CNOT6L: variants seen among roughly 807,000 people sequenced by gnomAD.
The protein encoded by CNOT6L is CCR4-NOT transcription complex subunit 6-like.
Under a neutral mutation model 64.0 loss-of-function variants are expected in CNOT6L, and 7 were observed. The ratio of observed to expected loss-of-function variants is 0.11; its 90% CI spans 0.06 to 0.21. CNOT6L has a LOEUF of 0.21. CNOT6L is among the 10% of genes least tolerant of loss of function. CNOT6L has a pLI of 1.00. For synonymous variants in CNOT6L, 193 were observed against 243.4 expected, an observed-to-expected ratio of 0.79 and a Z score of 1.93; for missense variants, 245 against 669.0, an observed-to-expected ratio of 0.37 and a Z score of 6.99.
In CNOT6L at chr4:77,789,293, T is replaced by TC. The variant is rs931960310; in HGVS notation, c.6-12902dup. Among the ~76,000 whole-genome samples, 50 of 151,520 alleles carry TC rather than the reference T, an allele frequency of 3.3e-4. 1 individual carries two copies. Among genetic ancestry groups the TC allele is most frequent in the Non-Finnish European group, 4.9e-4 (33 of 67,902 alleles). On this transcript the variant is annotated intron_variant, in intron 1 of 11. Transcript: ENST00000504123. ...AAACTGACTATGCTGAGTACACAGCTCCCCCCACGCTCCCCCCAACCCCGC... is the reference window on the plus strand; with the variant it reads ...AAACTGACTATGCTGAGTACACAGCTCCCCCCCACGCTCCCCCCAACCCCGC...
chr4:77,742,772 T>C (rs1326876504), intron 7 of CNOT6L, among the ~76,000 whole-genome samples: 2 of 152,326 alleles, frequency 1.3e-5, no homozygotes, highest in African/African-American at 4.8e-5. Context: ...AATTCTACTT[T>C]AAGAAATTTT....
chr4:77,778,656 T>G (rs562368053), intron 1 of CNOT6L, among the ~76,000 whole-genome samples: 1 of 151,808 alleles, frequency 6.6e-6, no homozygotes, highest in East Asian at 2.0e-4. Context: ...CCGCCCGCCT[T>G]GGCCTCCCAA....
intron 8 of CNOT6L, among the ~76,000 whole-genome samples, chr4:77,734,259 T>C (rs1241791977): frequency 6.6e-6 from 1 of 152,170 alleles, no homozygotes; most frequent in East Asian, 1.9e-4. Context: ...ATATGTTTAT[T>C]GTAGAGATAT....
At chr4:77,749,607 G>T (rs1724620070) in intron 5 of CNOT6L, among the ~76,000 whole-genome samples, 1 of 152,148 alleles carries the variant, frequency 6.6e-6, no homozygotes, top group Non-Finnish European at 1.5e-5. Context: ...CAATGTAGCA[G>T]TTTAAGTATA....
chr4:77,777,749 C>T (rs1285130007), intron 1 of CNOT6L, among the ~76,000 whole-genome samples: 1 of 152,088 alleles, frequency 6.6e-6, no homozygotes, highest in African/African-American at 2.4e-5. Flanking sequence ...GAACTTATAT[C>T]CCAAATTGAA....
upstream of CNOT6L, chr4:77,819,379 G>C (rs1407876506): frequency 2.5e-6 from 4 of 1,607,166 alleles, no homozygotes; most frequent in African/African-American, 2.7e-5. Flanking sequence ...ACAAACACGC[G>C]CGCGCGCGCG....
rs1466621711 is a variant in CNOT6L, at chr4:77,716,564, A to AAACTT, written c.*3862_*3866dup. ...TAAATTTTCACCCATTTAACAATAT[A>AAACTT]AACTTAGAATTTTAAAATGGAACAC... is the stretch of plus-strand genomic sequence containing the variant. On this transcript the variant is annotated 3_prime_UTR_variant, in exon 12 of 12. Coordinates refer to ENST00000504123, the MANE Select transcript of CNOT6L (RefSeq NM_144571.3). 2 of 152,200 alleles carry AAACTT rather than the reference A, an allele frequency of 1.3e-5. No individual in the cohort carries two copies. Among genetic ancestry groups the AAACTT allele is most frequent in the Admixed American group, 6.6e-5 (1 of 15,244 alleles). The allele number at this position is 152,200 out of a possible 1,614,324, so 9.4% of individuals were successfully genotyped here. A position where few individuals can be genotyped will look rare whatever the true frequency, so the allele number is the denominator to read the frequency against.
chr4:77,737,548 G>A (rs1437358756), intron 8 of CNOT6L, among the ~76,000 whole-genome samples: 2 of 150,458 alleles, frequency 1.3e-5, no homozygotes, highest in Non-Finnish European at 2.9e-5. Context: ...AGCCTCCCGA[G>A]TAGCTGGGAT....
intron 4 of CNOT6L, among the ~76,000 whole-genome samples, chr4:77,768,514 T>C (rs993461265): frequency 5.8e-5 from 8 of 138,390 alleles, no homozygotes; most frequent in Non-Finnish European, 1.2e-4. Context: ...TATATATATA[T>C]ATTCTACTCA....
intron 1 of CNOT6L, among the ~76,000 whole-genome samples, chr4:77,796,554 G>C (rs1386677647): frequency 6.6e-6 from 1 of 152,106 alleles, no homozygotes; most frequent in Non-Finnish European, 1.5e-5. Context: ...AGGCCTCCCA[G>C]TCATGCTTCT....
At chr4:77,772,921 T>TCAAA (rs535647597) in intron 4 of CNOT6L, among the ~76,000 whole-genome samples, 160 bp downstream of exon 4, 1,768 of 152,186 alleles carry the variant, frequency 0.012, 19 homozygotes, top group Admixed American at 0.032. Flanking sequence ...AGACTCCGTC[T>TCAAA]CAAACAAACA....
intron 1 of CNOT6L, among the ~76,000 whole-genome samples, chr4:77,780,745 T>C (rs1464243358): frequency 6.6e-6 from 1 of 152,220 alleles, no homozygotes; most frequent in African/African-American, 2.4e-5. Flanking sequence ...AATAAATTTG[T>C]CTTTGGTTCT....
intron 1 of CNOT6L, among the ~76,000 whole-genome samples, chr4:77,806,804 AGAAATTTAC>A (rs1362996186): frequency 2.0e-5 from 3 of 152,184 alleles, no homozygotes; most frequent in Non-Finnish European, 4.4e-5. Context: ...GAAGTTAACC[AGAAATTTAC>A]TTACTTTCCC....
rs186505737 is a variant in CNOT6L at position 77,814,957 on chromosome 4, T to A, written c.5+4347A>T. The stretch of plus-strand genomic sequence containing the variant: ...ATCACAAAGCATGAGCACAAATTAA[T>A]AATTAAGCCTCTGTTGTTTACTTGA... On this transcript the variant is annotated intron_variant, in intron 1 of 11. Transcript: ENST00000504123. Among the ~76,000 whole-genome samples the A allele has an allele frequency of 2.9e-3, 436 of 152,308 alleles. 3 individuals are homozygous for A. The highest frequency in any genetic ancestry group is 5.1e-3 in the Non-Finnish European group (349 of 68,014).
chr4:77,760,895 T>TTTTTTTTTG (rs1726150051), intron 4 of CNOT6L, among the ~76,000 whole-genome samples: 1 of 120,838 alleles, frequency 8.3e-6, no homozygotes. Flanking sequence ...TTTTTTTTTT[T>TTTTTTTTTG]AAGGAAGAGA....
At position 77,715,018 on chromosome 4, in the gene CNOT6L, C is replaced by T. The variant is rs1720596353; in HGVS notation, c.*5413G>A. 1 of 152,244 alleles carries T rather than the reference C, an allele frequency of 6.6e-6. No homozygotes were observed. Among genetic ancestry groups the T allele is most frequent in the Non-Finnish European group, 1.5e-5 (1 of 67,996 alleles). 9.4% of individuals were successfully genotyped at this position (152,244 alleles called of 1,614,324 possible). A position where few individuals can be genotyped will look rare whatever the true frequency, so the allele number is the denominator to read the frequency against. On this transcript the variant is annotated 3_prime_UTR_variant, in exon 12 of 12. Transcript: ENST00000504123. ...ACAATTGATAGCTTGAAAGACAATA[C>T]ATCAGTGATTTGAAGTTAATACGAA...
chr4:77,799,035 T>C (rs1180370034), intron 1 of CNOT6L, among the ~76,000 whole-genome samples: 2 of 152,104 alleles, frequency 1.3e-5, no homozygotes. Context: ...ATTCCACTCC[T>C]AGATATTTAC....
chr4:77,790,933 T>C (rs1164190476), intron 1 of CNOT6L, among the ~76,000 whole-genome samples: 1 of 151,826 alleles, frequency 6.6e-6, no homozygotes, highest in East Asian at 2.0e-4. Flanking sequence ...GTGCTGGGAT[T>C]ACAGGCATGA....
chr4:77,774,077 T>C (rs1727900082), intron 3 of CNOT6L, among the ~76,000 whole-genome samples: 1 of 152,226 alleles, frequency 6.6e-6, no homozygotes, highest in Admixed American at 6.5e-5. Context: ...AGAATTTCTT[T>C]AGGGAATTTT....
Sources: gnomAD v4.1 joint callset for allele counts (sites outside exome capture counted in the v4.1 genomes callset) on GRCh38, gnomAD v4.1.1 for gene constraint, MANE v1.5 for transcripts, NCBI Gene and HGNC (gene_info 2026-07-23, HGNC 2026-07-21) for gene names.